TRABD2B: variants seen among roughly 807,000 people sequenced by gnomAD.
The protein encoded by TRABD2B is metalloprotease TIKI2.
Under a neutral mutation model 40.1 loss-of-function variants are expected in TRABD2B, and 14 were observed. The observed-to-expected ratio is 0.35, with a 90% CI of 0.23 to 0.55. The LOEUF (loss-of-function observed/expected upper bound fraction) is 0.55, where lower values mean the gene tolerates loss of function less well. TRABD2B is among the 20% of genes least tolerant of loss of function. The pLI is 0.90. For synonymous variants in TRABD2B, 263 were observed against 277.0 expected, an observed-to-expected ratio of 0.95 and a Z score of 0.50; for missense variants, 541 against 648.6, an observed-to-expected ratio of 0.83 and a Z score of 1.80.
Position 47,791,191 on chromosome 1 carries a change from G to A in TRABD2B, c.988+3395C>T, listed in dbSNP as rs186483675. Among the ~76,000 whole-genome samples the A allele has an allele frequency of 9.7e-4, 147 of 152,330 alleles. 1 individual carries two copies. The highest frequency in any genetic ancestry group is 3.3e-3 in the African/African-American group (136 of 41,590). On this transcript the variant is annotated intron_variant, in intron 4 of 6. Transcript: ENST00000606738. ...TAACAAGCACTGGAGGGGCCAGGCA[G>A]GCGGAGGCTCAATCTCTCACCTTCA...
At chr1:47,769,361 A>C (rs192212519) in intron 6 of TRABD2B, among the ~76,000 whole-genome samples, 1 of 152,166 alleles carries the variant, frequency 6.6e-6, no homozygotes, top group Admixed American at 6.5e-5. Flanking sequence ...AGGCGAGACC[A>C]AGTAGGAGTT....
rs72894259 is a variant in TRABD2B at position 47,867,700 on chromosome 1, C to T, written c.667-66081G>A. On this transcript the variant is annotated intron_variant, in intron 2 of 6. Transcript: ENST00000606738. Reference sequence around the variant, plus strand: ...CAGTCAGAACAGGATGTTTAACTTTCGTCCTTTATGAGAAAAAAAAATGAT... The same window carrying T: ...CAGTCAGAACAGGATGTTTAACTTTTGTCCTTTATGAGAAAAAAAAATGAT... Among the ~76,000 whole-genome samples, 5 of 152,140 alleles carry T rather than the reference C, an allele frequency of 3.3e-5. No individual in the cohort carries two copies. The East Asian group carries it at 9.7e-4, about 29-fold the overall frequency.
chr1:47,979,375 T>C (rs1381343499), intron 2 of TRABD2B, among the ~76,000 whole-genome samples: 3 of 152,210 alleles, frequency 2.0e-5, no homozygotes, highest in African/African-American at 7.2e-5. Context: ...GAGACAGACA[T>C]GTGAACATAT....
intron 2 of TRABD2B, among the ~76,000 whole-genome samples, chr1:47,853,150 C>T (rs1037888983): frequency 1.3e-5 from 2 of 152,150 alleles, no homozygotes; most frequent in Non-Finnish European, 2.9e-5. Context: ...GATGCTAGGG[C>T]CGAGGGCCAC....
intron 6 of TRABD2B, among the ~76,000 whole-genome samples, chr1:47,771,980 C>G (rs1397034134): frequency 6.6e-6 from 1 of 152,168 alleles, no homozygotes; most frequent in African/African-American, 2.4e-5. Flanking sequence ...TCCTCACGGC[C>G]TCCCAGCCTG....
intron 2 of TRABD2B, among the ~76,000 whole-genome samples, chr1:47,893,863 C>T (rs954768235): frequency 5.9e-5 from 9 of 152,208 alleles, no homozygotes; most frequent in African/African-American, 1.9e-4. Context: ...CCCAACTTCT[C>T]GGGCTGCTTC....
At chr1:47,982,536 A>T (rs996310721) in intron 2 of TRABD2B, among the ~76,000 whole-genome samples, 2 of 152,228 alleles carry the variant, frequency 1.3e-5, no homozygotes, top group Non-Finnish European at 2.9e-5. Context: ...AGATCCAAGT[A>T]GAAATCCTGG....
chr1:47,901,225 G>C (rs1644595565), intron 2 of TRABD2B, among the ~76,000 whole-genome samples: 1 of 152,208 alleles, frequency 6.6e-6, no homozygotes, highest in African/African-American at 2.4e-5. Flanking sequence ...GGAACAATTT[G>C]CAAGAGTCAC....
At chr1:47,979,074 C>G (rs754545640) in intron 2 of TRABD2B, among the ~76,000 whole-genome samples, 1 of 152,102 alleles carries the variant, frequency 6.6e-6, no homozygotes, top group Non-Finnish European at 1.5e-5. Context: ...TGAGAAGGCT[C>G]TCAGTGGTCA....
At chr1:47,911,660 T>C (rs1321566483) in intron 2 of TRABD2B, among the ~76,000 whole-genome samples, 3 of 152,222 alleles carry the variant, frequency 2.0e-5, no homozygotes, top group African/African-American at 7.2e-5. Context: ...GAGCCCCTTG[T>C]GTCCCCTATG....
At chr1:47,816,219 T>C (rs1298051370) in intron 2 of TRABD2B, among the ~76,000 whole-genome samples, 1 of 152,184 alleles carries the variant, frequency 6.6e-6, no homozygotes, top group Non-Finnish European at 1.5e-5. Flanking sequence ...CTGGGCTGCA[T>C]CTTGAATCCT....
chr1:47,877,120 T>C (rs1644236316), intron 2 of TRABD2B, among the ~76,000 whole-genome samples: 1 of 151,498 alleles, frequency 6.6e-6, no homozygotes, highest in Non-Finnish European at 1.5e-5. Context: ...GAAAGGGACA[T>C]CTGAAAAGGA....
At chr1:47,880,070 A>G (rs1172618302) in intron 2 of TRABD2B, among the ~76,000 whole-genome samples, 1 of 152,200 alleles carries the variant, frequency 6.6e-6, no homozygotes, top group Non-Finnish European at 1.5e-5. Flanking sequence ...GGCATTTTGG[A>G]AGGCTCAGGT....
intron 2 of TRABD2B, among the ~76,000 whole-genome samples, chr1:47,839,635 G>A (rs1405622775): frequency 2.6e-5 from 4 of 152,314 alleles, no homozygotes; most frequent in South Asian, 4.1e-4. Context: ...AGAATGAACT[G>A]AGGCTGTTCA....
chr1:47,812,583 C>T (rs936164568), intron 2 of TRABD2B, among the ~76,000 whole-genome samples: 24 of 151,976 alleles, frequency 1.6e-4, no homozygotes, highest in African/African-American at 5.1e-4. Context: ...GCCAGATATG[C>T]TGTCACGTGC....
intron 2 of TRABD2B, among the ~76,000 whole-genome samples, chr1:47,968,645 A>G (rs1170063652): frequency 6.6e-6 from 1 of 152,178 alleles, no homozygotes; most frequent in East Asian, 1.9e-4. Context: ...AGCTCCAGCA[A>G]TGGTTAGGGT....
At chr1:47,867,844 A>C (rs571749336) in intron 2 of TRABD2B, among the ~76,000 whole-genome samples, 1 of 152,370 alleles carries the variant, frequency 6.6e-6, no homozygotes, top group East Asian at 1.9e-4. Context: ...GTGTTGCAAA[A>C]TGTGGCTGGA....
intron 2 of TRABD2B, among the ~76,000 whole-genome samples, chr1:47,882,332 A>ATCT (rs1644317044): frequency 2.0e-5 from 3 of 152,076 alleles, no homozygotes; most frequent in Admixed American, 6.5e-5. Flanking sequence ...CCACTGCATC[A>ATCT]CCCCCAGGAT....
At position 47,839,923 on chromosome 1, in the gene TRABD2B, C is replaced by T. The variant is rs193038637; in HGVS notation, c.667-38304G>A. ...TGAGTGCTGTGTCTGGCTGCCCCCT[C>T]CATCGATGGCCAAGCTTGTTGCTGC... On this transcript the variant is annotated intron_variant, in intron 2 of 6. Coordinates refer to ENST00000606738, the MANE Select transcript of TRABD2B (RefSeq NM_001194986.2). Among the ~76,000 whole-genome samples the T allele has an allele frequency of 6.7e-4, 102 of 152,290 alleles. 1 individual carries two copies. Among genetic ancestry groups the T allele is most frequent in the African/African-American group, 2.3e-3 (95 of 41,556 alleles).
Sources: gnomAD v4.1 joint callset for allele counts (sites outside exome capture counted in the v4.1 genomes callset) on GRCh38, gnomAD v4.1.1 for gene constraint, MANE v1.5 for transcripts, NCBI Gene and HGNC (gene_info 2026-07-23, HGNC 2026-07-21) for gene names.